The following GRM4 variants were observed in gnomAD, a reference collection of about 807,000 sequenced individuals.
The protein encoded by GRM4 is glutamate metabotropic receptor 4, also known as metabotropic glutamate receptor 4.
GRM4 carries 28 observed loss-of-function variants against 81.7 expected under a neutral mutation model. The ratio of observed to expected loss-of-function variants is 0.34; its 90% confidence interval spans 0.25 to 0.47. The LOEUF (loss-of-function observed/expected upper bound fraction) is 0.47. Among genes scored for constraint, GRM4 ranks in the 20% least tolerant of loss-of-function variants. The pLI is 1.00. For missense variants in GRM4, 948 were observed against 1,290.0 expected (o/e 0.73, Z 4.06); for synonymous variants, 488 against 528.8 (o/e 0.92, Z 1.06).
Position 34,036,302 on chromosome 6 carries a change from A to G in GRM4, c.1808T>C (p.Leu603Ser). The G allele has an allele frequency of 1.2e-6, 2 of 1,614,118 alleles. No homozygotes were observed. The highest frequency in any genetic ancestry group is 2.7e-5 in the African/African-American group (2 of 75,036). Reference protein sequence around the residue: ...FLAVVGIAATLFVVITFVRYN... With the variant: ...FLAVVGIAATSFVVITFVRYN... ...GCGCACAAAGGTGATCACCACGAAC[A>G]ACGTGGCAGCGATGCCCACCACGGC... is the stretch of plus-strand genomic sequence containing the variant. Residue 603 changes from leucine to serine, a missense_variant, in exon 9 of 11, where the codon TTG becomes TCG. Physicochemically the swap from Leu to Ser is moderately radical, Grantham distance 145. Transcript: ENST00000538487. This position sits in a 1 kb window ranked among gnomAD's most constrained non-coding sequence, Gnocchi z 9.0.
intron 3 of GRM4, 85 bp from the exon 4 acceptor site, chr6:34,062,113 G>A: frequency 1.4e-6 from 2 of 1,440,796 alleles, no homozygotes; most frequent in East Asian, 2.4e-5. Flanking sequence ...CCGGGAGATG[G>A]GGGCTGGGTG....
intron 2 of GRM4, among the ~76,000 whole-genome samples, chr6:34,119,257 A>G (rs990477493): frequency 2.9e-4 from 44 of 152,302 alleles, no homozygotes; most frequent in African/African-American, 8.2e-4. Flanking sequence ...TTAGCCAGGC[A>G]TGGTGGCGGG....
intron 2 of GRM4, among the ~76,000 whole-genome samples, chr6:34,116,390 T>C (rs1006555119): frequency 6.6e-6 from 1 of 152,206 alleles, no homozygotes; most frequent in African/African-American, 2.4e-5. Context: ...CCATTCATTT[T>C]ATTAAGCACC....
At chr6:34,095,360 T>A (rs1768463909) in intron 2 of GRM4, among the ~76,000 whole-genome samples, 1 of 151,982 alleles carries the variant, frequency 6.6e-6, no homozygotes, top group Non-Finnish European at 1.5e-5. Context: ...CACCCACACT[T>A]CCTAGGGAGA....
rs879879063 is a variant in GRM4 at position 34,056,441 on chromosome 6, G to GCCGA, written c.1168+99_1168+102dup. On this transcript the variant is annotated intron_variant, in intron 6 of 10. Coordinates refer to ENST00000538487, the MANE Select transcript of GRM4 (RefSeq NM_000841.4). ...CCAACTGCACGTCCTGCCACGGCCG[G>GCCGA]CCGACGACAGACAAAGGGAGACTCT... is the stretch of plus-strand genomic sequence containing the variant. 6.9e-5 allele frequency: 76 copies of GCCGA among 1,095,836 alleles called. 1 individual carries two copies. In the Admixed American group the frequency reaches 1.7e-3, roughly 25 times the overall value. The allele number at this position is 1,095,836 out of a possible 1,614,324, so 67.9% of individuals were successfully genotyped here.
rs570055645 is a variant in GRM4, at chr6:34,028,262, C to T, written c.2547G>A (p.Pro849=). The T allele has an allele frequency of 2.0e-5, 32 of 1,614,066 alleles. No individual in the cohort carries two copies. Among genetic ancestry groups the T allele is most frequent in the South Asian group, 2.0e-4 (18 of 91,088 alleles). The change falls in exon 10 of 11, where the codon CCG becomes CCA. Residue 849 remains proline, a synonymous_variant. Transcript: ENST00000538487. ...GCTTGCGCTTGGGCACGTTCTGCTC[C>T]GGGTGGAAGAGGATGATGTAGACTT... The part of the protein sequence containing the change: ...MPKVYIILFH[P]EQNVPKRKRS...
chr6:34,149,693 G>C (rs1161573994), upstream of GRM4, among the ~76,000 whole-genome samples: 1 of 152,204 alleles, frequency 6.6e-6, no homozygotes, highest in African/African-American at 2.4e-5. Flanking sequence ...GATGGCTAGG[G>C]GACAGAGCCC....
chr6:34,106,936 A>G (rs538578922), intron 2 of GRM4, among the ~76,000 whole-genome samples: 1 of 152,346 alleles, frequency 6.6e-6, no homozygotes, highest in South Asian at 2.1e-4. Flanking sequence ...TCTCCTTCCA[A>G]AGAGAATCTG....
Position 34,056,613 on chromosome 6 carries a change from C to T in GRM4, c.1099G>A (p.Glu367Lys). The change falls in exon 6 of 11, where the codon GAG (glutamate) becomes AAG (lysine). Residue 367 changes from glutamate (E) to lysine (K), a missense_variant. Transcript: ENST00000538487. ...CTCAGCTTGCAGTGGAAGTTGTCCT[C>T]CCAGAACTCGGCAAACCAGATGTTG... ...RRNIWFAEFW[E>K]DNFHCKLSRH... The T allele has an allele frequency of 3.1e-6, 5 of 1,613,698 alleles. No individual in the cohort carries two copies. Among genetic ancestry groups the T allele is most frequent in the Non-Finnish European group, 4.2e-6 (5 of 1,179,956 alleles).
chr6:34,065,766 G>A (rs994297333), intron 3 of GRM4, among the ~76,000 whole-genome samples: 1 of 152,366 alleles, frequency 6.6e-6, no homozygotes, highest in East Asian at 1.9e-4. Context: ...TATCAAGTCC[G>A]TGGGGACCTT....
intron 2 of GRM4, among the ~76,000 whole-genome samples, chr6:34,125,013 G>A (rs1227654755): frequency 2.6e-5 from 4 of 151,720 alleles, no homozygotes; most frequent in African/African-American, 7.3e-5. Context: ...TCGCTCTGTC[G>A]CCCAGGCTGG....
intron 9 of GRM4, among the ~76,000 whole-genome samples, chr6:34,030,522 C>T (rs567201253): frequency 2.6e-5 from 4 of 152,258 alleles, no homozygotes; most frequent in Admixed American, 2.6e-4. Flanking sequence ...TCTACTCTGC[C>T]TCAGCCCACT....
intron 9 of GRM4, 73 bp from the exon 10 acceptor site, chr6:34,028,439 C>T: frequency 6.7e-7 from 1 of 1,501,998 alleles, no homozygotes; most frequent in East Asian, 2.3e-5. Flanking sequence ...CAGTTCCCAC[C>T]CAGGGACCCA....
chr6:34,150,785 G>A (rs949290116), upstream of GRM4, among the ~76,000 whole-genome samples: 3 of 152,210 alleles, frequency 2.0e-5, no homozygotes, highest in East Asian at 1.9e-4. Flanking sequence ...CAGCGGCCAC[G>A]GGGCAGAAGT....
rs1363346123 is a variant in GRM4, at chr6:34,064,239, T to C, written c.737-2211A>G. Among the ~76,000 whole-genome samples the C allele has an allele frequency of 2.0e-5, 3 of 152,180 alleles. No individual in the cohort carries two copies. The highest frequency in any genetic ancestry group is 7.2e-5 in the African/African-American group (3 of 41,444). On this transcript the variant is annotated intron_variant, in intron 3 of 10. Coordinates refer to ENST00000538487, the MANE Select transcript of GRM4 (RefSeq NM_000841.4). This position sits in a 1 kb window ranked among gnomAD's most constrained non-coding sequence, Gnocchi z 4.4. ...GGTGTGCAGAGCTCCGTAATACTAA[T>C]GAACATTTATGGAGTGTCCAATGCA...
Position 34,028,205 on chromosome 6 carries a change from G to A in GRM4, c.2604C>T (p.Thr868=). The A allele has an allele frequency of 6.2e-7, 1 of 1,614,000 alleles. No homozygotes were observed. The highest frequency in any genetic ancestry group is 8.5e-7 in the Non-Finnish European group (1 of 1,180,006). The change falls in exon 10 of 11, where the codon ACC becomes ACT. Residue 868 remains threonine (T), a synonymous_variant. Coordinates refer to ENST00000538487, the MANE Select transcript of GRM4 (RefSeq NM_000841.4). ...RSLKAVVTAA[T]MSNKFTQKGN... The stretch of plus-strand genomic sequence containing the variant: ...CCTTCTGCGTGAACTTGTTGGACAT[G>A]GTGGCCGCCGTAACGACGGCTTTGA...
chr6:34,069,411 G>A lies in GRM4; in HGVS notation c.737-7383C>T, dbSNP rs1253657243. Among the ~76,000 whole-genome samples, 1 of 152,134 alleles carries A rather than the reference G, an allele frequency of 6.6e-6. No homozygotes were observed. The highest frequency in any genetic ancestry group is 2.4e-5 in the African/African-American group (1 of 41,410). Reference sequence around the variant, plus strand: ...GCCAGAGGGGGTTTCAAGGTAAGAAGGACACCAGGCCCCAGCAAAGGCCCT... The same window carrying A: ...GCCAGAGGGGGTTTCAAGGTAAGAAAGACACCAGGCCCCAGCAAAGGCCCT... On this transcript the variant is annotated intron_variant, in intron 3 of 10. Coordinates refer to ENST00000538487, the MANE Select transcript of GRM4 (RefSeq NM_000841.4). This position sits in a 1 kb window ranked among gnomAD's most constrained non-coding sequence, Gnocchi z 6.4.
At chr6:34,050,412 G>T (rs1765560724) in intron 6 of GRM4, among the ~76,000 whole-genome samples, 1 of 152,166 alleles carries the variant, frequency 6.6e-6, no homozygotes, top group Non-Finnish European at 1.5e-5. Flanking sequence ...CGTCCTCATG[G>T]TAATGAGTGA....
rs532741978 is a variant in GRM4 at position 34,098,114 on chromosome 6, G to A, written c.520-6015C>T. Among the ~76,000 whole-genome samples, 6 of 152,244 alleles carry A rather than the reference G, an allele frequency of 3.9e-5. No individual in the cohort carries two copies. In the South Asian group the frequency reaches 6.2e-4, roughly 16 times the overall value. ...GCCTCAGTTTCTTCCCCGTAAAGTCGTCACCATCACAACAGAGAGGACTGC... is the reference window on the plus strand; with the variant it reads ...GCCTCAGTTTCTTCCCCGTAAAGTCATCACCATCACAACAGAGAGGACTGC... On this transcript the variant is annotated intron_variant, in intron 2 of 10. Coordinates refer to ENST00000538487, the MANE Select transcript of GRM4 (RefSeq NM_000841.4).
Sources: allele counts gnomAD v4.1 joint callset (sites outside exome capture counted in the v4.1 genomes callset), GRCh38; gene constraint gnomAD v4.1.1; non-coding constraint Gnocchi (gnomAD v3.1); transcripts MANE v1.5; gene names NCBI Gene and HGNC (gene_info 2026-07-23, HGNC 2026-07-21).